Variants in GNG4 observed in about 807,000 individuals in gnomAD.
GNG4 encodes G protein subunit gamma 4.
A neutral mutation model predicts 5.8 loss-of-function variants in GNG4; 4 were observed. The observed-to-expected ratio is 0.69, with a 90% CI of 0.34 to 1.57. The LOEUF (loss-of-function observed/expected upper bound fraction) is 1.57, where lower values mean the gene tolerates loss of function less well. Ranked by LOEUF, GNG4 falls within the 40% of genes most tolerant of loss-of-function variation. The pLI, the probability that GNG4 is intolerant of heterozygous loss-of-function variation, is 0.06. For synonymous variants in GNG4, 29 were observed against 32.9 expected, an observed-to-expected ratio of 0.88 and a Z score of 0.41; for missense variants, 96 against 95.1, an observed-to-expected ratio of 1.01 and a Z score of -0.04.
chr1:235,570,892 A>G (rs1194316425), intron 3 of GNG4, among the ~76,000 whole-genome samples: 2 of 131,342 alleles, frequency 1.5e-5, no homozygotes, highest in African/African-American at 5.8e-5. Flanking sequence ...ATATGTATGT[A>G]TATATGTGTG....
intron 2 of GNG4, among the ~76,000 whole-genome samples, chr1:235,593,184 G>C (rs1025513712): frequency 1.7e-4 from 26 of 152,090 alleles, no homozygotes; most frequent in Non-Finnish European, 2.9e-4. Flanking sequence ...CCTGACCTCA[G>C]GTCATCCACC....
At chr1:235,603,379 T>C (rs2102963345) in intron 1 of GNG4, among the ~76,000 whole-genome samples, 1 of 152,280 alleles carries the variant, frequency 6.6e-6, no homozygotes, top group Non-Finnish European at 1.5e-5. Flanking sequence ...CGTGGATGTG[T>C]AAGGTGGCAT....
At chr1:235,640,552 T>A (rs977686815) in intron 1 of GNG4, among the ~76,000 whole-genome samples, 1 of 152,232 alleles carries the variant, frequency 6.6e-6, no homozygotes, top group African/African-American at 2.4e-5. Context: ...GAAGAAAGGA[T>A]ACACACATCA....
At position 235,583,749 on chromosome 1, in the gene GNG4, G is replaced by C. The variant is rs757446206; in HGVS notation, c.90C>G (p.Asp30Glu). 1 of 1,608,992 alleles carries C rather than the reference G, an allele frequency of 6.2e-7. No homozygotes were observed. The highest frequency in any genetic ancestry group is 2.2e-5 in the East Asian group (1 of 44,856). ...VEQLKMEACMDRVKVSQAAAD... is the reference protein window; with the variant it reads ...VEQLKMEACMERVKVSQAAAD... Reference sequence around the variant, plus strand: ...ACGCATGCATGCTTACCTTGACCCTGTCCATACAGGCTTCCATCTTTAGCT... The same window carrying C: ...ACGCATGCATGCTTACCTTGACCCTCTCCATACAGGCTTCCATCTTTAGCT... The change falls in exon 3 of 4, where the codon GAC (aspartate) becomes GAG (glutamate). Residue 30 changes from aspartate (D) to glutamate (E), a missense_variant. Coordinates refer to ENST00000391854, the MANE Select transcript of GNG4 (RefSeq NM_001098722.2).
chr1:235,631,976 G>A (rs1279683530), intron 1 of GNG4, among the ~76,000 whole-genome samples: 1 of 152,232 alleles, frequency 6.6e-6, no homozygotes, highest in African/African-American at 2.4e-5. Flanking sequence ...GAGTTTAAGT[G>A]AAGCCTGGGA....
intron 3 of GNG4, among the ~76,000 whole-genome samples, chr1:235,553,411 G>A (rs897644870): frequency 6.6e-6 from 1 of 152,224 alleles, no homozygotes; most frequent in Non-Finnish European, 1.5e-5. Context: ...ATACATAGCA[G>A]TCAAATGAAA....
intron 3 of GNG4, among the ~76,000 whole-genome samples, chr1:235,578,861 G>A (rs1209995587): frequency 1.3e-5 from 2 of 152,186 alleles, no homozygotes; most frequent in Non-Finnish European, 2.9e-5. Context: ...ACTTTGGGAG[G>A]CCAAGGCAGG....
intron 1 of GNG4, chr1:235,615,612 C>T: frequency 4.4e-6 from 1 of 225,992 alleles, no homozygotes; most frequent in Non-Finnish European, 9.8e-6. Flanking sequence ...ATTATGTGTC[C>T]AAGTCTGCAG....
chr1:235,570,137 G>C (rs1687296934), intron 3 of GNG4, among the ~76,000 whole-genome samples: 1 of 152,028 alleles, frequency 6.6e-6, no homozygotes, highest in South Asian at 2.1e-4. Context: ...TATTCTCTCT[G>C]CCAGGAATAT....
At chr1:235,577,186 G>A (rs1390451472) in intron 3 of GNG4, among the ~76,000 whole-genome samples, 1 of 152,088 alleles carries the variant, frequency 6.6e-6, no homozygotes, top group African/African-American at 2.4e-5. Context: ...TGCCATCCCG[G>A]GGGCTCCCTT....
At chr1:235,599,023 G>A (rs574032300) in intron 1 of GNG4, among the ~76,000 whole-genome samples, 23 of 152,086 alleles carry the variant, frequency 1.5e-4, no homozygotes, top group South Asian at 2.1e-4. Context: ...CACCACACCC[G>A]GCCTTCCCAG....
intron 3 of GNG4, among the ~76,000 whole-genome samples, chr1:235,558,317 A>G (rs1017883740): frequency 6.6e-6 from 1 of 152,210 alleles, no homozygotes; most frequent in Non-Finnish European, 1.5e-5. Flanking sequence ...CAAAATAGTC[A>G]AGGGAGTTTT....
At chr1:235,609,631 G>C (rs1212526685) in intron 1 of GNG4, among the ~76,000 whole-genome samples, 1 of 152,124 alleles carries the variant, frequency 6.6e-6, no homozygotes, top group Admixed American at 6.5e-5. Context: ...AAAGTTTCCT[G>C]GCCGGGCGCA....
At chr1:235,593,701 G>A (rs933760730) in intron 2 of GNG4, among the ~76,000 whole-genome samples, 6 of 152,172 alleles carry the variant, frequency 3.9e-5, no homozygotes, top group Non-Finnish European at 8.8e-5. Flanking sequence ...TGGCTCAGGA[G>A]TGAAGCTGCA....
rs531497595 is a variant in GNG4, at chr1:235,648,714, G to C, written c.-123+948C>G. Among the ~76,000 whole-genome samples the C allele has an allele frequency of 3.6e-4, 55 of 152,360 alleles. No individual in the cohort carries two copies. The highest frequency in any genetic ancestry group is 1.3e-3 in the African/African-American group (53 of 41,584). The stretch of plus-strand genomic sequence containing the variant: ...ACGGGCGCAGCCTAGGCGGCCTTTT[G>C]CTCCGGCTGAGAGGCACGGGCCCGG... On this transcript the variant is annotated intron_variant, in intron 1 of 3. Coordinates refer to ENST00000391854, the MANE Select transcript of GNG4 (RefSeq NM_001098722.2). The surrounding 1 kb of genome is among the most constrained non-coding windows in gnomAD (Gnocchi z 5.0).
rs1686765580 is a variant in GNG4 at position 235,552,112 on chromosome 1, G to C, written c.225C>G (p.Leu75=). The part of the protein sequence containing the change: ...FREKKFFCTI[L] ...GGCGTTTTCATCACACACGGAGTTA[G>C]AGAATGGTACAAAAGAACTTCTTCT... The change falls in exon 4 of 4, where the codon CTC becomes CTG. Residue 75 remains leucine (L), a synonymous_variant. Transcript: ENST00000391854. 6.2e-7 allele frequency: 1 copy of C among 1,613,734 alleles called. No homozygotes were observed. Among genetic ancestry groups the C allele is most frequent in the Non-Finnish European group, 8.5e-7 (1 of 1,179,732 alleles).
intron 1 of GNG4, among the ~76,000 whole-genome samples, chr1:235,625,594 G>A (rs575977762): frequency 6.6e-6 from 1 of 152,314 alleles, no homozygotes; most frequent in Admixed American, 6.5e-5. Context: ...CACATTCAGA[G>A]CAGGAGGTGC....
In GNG4 at chr1:235,551,893, T is replaced by C. The variant is rs529168435; in HGVS notation, c.*216A>G. 1 of 438,006 alleles carries C rather than the reference T, an allele frequency of 2.3e-6. No individual in the cohort carries two copies. The allele number at this position is 438,006 out of a possible 1,614,324, so 27.1% of individuals were successfully genotyped here. A position where few individuals can be genotyped will look rare whatever the true frequency, so the allele number is the denominator to read the frequency against. On this transcript the variant is annotated 3_prime_UTR_variant, in exon 4 of 4. Transcript: ENST00000391854. ...TGTTATTTGGCTATAAACATTTTGA[T>C]TTTCTTTGCCAATAATGAAAATAAC...
At chr1:235,587,301 T>TGTGG (rs1687792809) in intron 2 of GNG4, among the ~76,000 whole-genome samples, 1 of 42,100 alleles carries the variant, frequency 2.4e-5, no homozygotes, top group Non-Finnish European at 3.9e-5. Flanking sequence ...GGGGTGTGTG[T>TGTGG]GAGGGTGAGG....
Sources: gnomAD v4.1 joint callset for allele counts (sites outside exome capture counted in the v4.1 genomes callset) on GRCh38, gnomAD v4.1.1 for gene constraint, Gnocchi (gnomAD v3.1) non-coding constraint, MANE v1.5 for transcripts, NCBI Gene and HGNC (gene_info 2026-07-23, HGNC 2026-07-21) for gene names.